The following CSMD3 variants were observed in gnomAD, a reference collection of about 807,000 sequenced individuals.
CSMD3 encodes the protein CUB and sushi domain-containing protein 3.
A neutral mutation model predicts 435.2 loss-of-function variants in CSMD3; 177 were observed. The observed-to-expected ratio is 0.41, with a 90% CI of 0.36 to 0.46. The LOEUF is 0.46. Among genes scored for constraint, CSMD3 ranks in the 20% least tolerant of loss-of-function variants. The pLI is 0.34. For synonymous variants in CSMD3, 1,656 were observed against 1,520.5 expected (o/e 1.09, Z -2.07); for missense variants, 4,265 against 4,504.6 (o/e 0.95, Z 1.52).
intron 5 of CSMD3, among the ~76,000 whole-genome samples, chr8:113,097,187 ATAAC>A (rs1197350262): frequency 1.3e-5 from 2 of 152,110 alleles, no homozygotes; most frequent in African/African-American, 4.8e-5. Flanking sequence ...TACTTTGTAA[ATAAC>A]TATTTACAAA....
At position 113,181,850 on chromosome 8, in the gene CSMD3, T is replaced by C. The variant is rs535636713; in HGVS notation, c.515-7934A>G. ...TAGCATTTGATAGATTAATTCAGAA[T>C]AATAGAAAAATATGAATAGGCTCTC... On this transcript the variant is annotated intron_variant, in intron 3 of 70. Coordinates refer to ENST00000297405, the MANE Select transcript of CSMD3 (RefSeq NM_198123.2). Among the ~76,000 whole-genome samples the C allele has an allele frequency of 3.3e-5, 5 of 152,130 alleles. 1 individual carries two copies. In the South Asian group the frequency reaches 1.0e-3, roughly 32 times the overall value.
intron 7 of CSMD3, among the ~76,000 whole-genome samples, chr8:112,956,317 C>A (rs577060988): frequency 3.3e-4 from 50 of 152,136 alleles, no homozygotes; most frequent in Non-Finnish European, 5.6e-4. Flanking sequence ...CTCATCCCCA[C>A]CCCGATGGTA....
chr8:113,001,235 A>G (rs1234411739), intron 6 of CSMD3, among the ~76,000 whole-genome samples: 2 of 152,046 alleles, frequency 1.3e-5, no homozygotes. Context: ...TCAAAGCTTA[A>G]ACATATTTTC....
At position 112,865,727 on chromosome 8, in the gene CSMD3, C is replaced by G. The variant is rs1024079447; in HGVS notation, c.1634-6461G>C. ...ACACACACACACACACACACACACA[C>G]AGACCATTGTTTATTGTCTGTTTTC... On this transcript the variant is annotated intron_variant, in intron 10 of 70. Coordinates refer to ENST00000297405, the MANE Select transcript of CSMD3 (RefSeq NM_198123.2). Among the ~76,000 whole-genome samples, 58 of 150,752 alleles carry G rather than the reference C, an allele frequency of 3.8e-4. No homozygotes were observed. The East Asian group carries it at 0.01, about 26-fold the overall frequency.
intron 1 of CSMD3, among the ~76,000 whole-genome samples, chr8:113,342,033 A>C (rs2094122591): frequency 6.6e-6 from 1 of 152,126 alleles, no homozygotes; most frequent in South Asian, 2.1e-4. Flanking sequence ...GAAATTACCA[A>C]ACTCGTAGAA....
At chr8:112,799,195 AC>A (rs1362961651) in intron 13 of CSMD3, among the ~76,000 whole-genome samples, 1 of 151,866 alleles carries the variant, frequency 6.6e-6, no homozygotes, top group Non-Finnish European at 1.5e-5. Context: ...TTAATACAGT[AC>A]CAAATTTAGT....
At chr8:112,756,045 G>C (rs370204359) in intron 13 of CSMD3, among the ~76,000 whole-genome samples, 27 of 152,032 alleles carry the variant, frequency 1.8e-4, no homozygotes, top group African/African-American at 6.5e-4. Flanking sequence ...TGCTTCTTGA[G>C]GAATTAAGAA....
At chr8:112,568,210 T>G (rs547030729) in intron 24 of CSMD3, among the ~76,000 whole-genome samples, 19 of 152,182 alleles carry the variant, frequency 1.2e-4, no homozygotes, top group Admixed American at 1.2e-3. Context: ...AGAAATTTAT[T>G]TGGGAGAAGA....
At position 112,301,979 on chromosome 8, in the gene CSMD3, A is replaced by G; in HGVS notation, c.8267-13T>C. 2 of 1,546,916 alleles carry G rather than the reference A, an allele frequency of 1.3e-6. No homozygotes were observed. The highest frequency in any genetic ancestry group is 1.8e-6 in the Non-Finnish European group (2 of 1,120,984). On this transcript the variant is annotated splice_polypyrimidine_tract_variant and intron_variant, in intron 52 of 70. Transcript: ENST00000297405. Reference sequence around the variant, plus strand: ...CCACAGGAAATAACTTTAAAATGATAAATAAATAAAAATCCTTAAAGATAT... The same window carrying G: ...CCACAGGAAATAACTTTAAAATGATGAATAAATAAAAATCCTTAAAGATAT...
At chr8:112,232,182 T>A (rs1307490789) in intron 68 of CSMD3, among the ~76,000 whole-genome samples, 1 of 152,182 alleles carries the variant, frequency 6.6e-6, no homozygotes, top group African/African-American at 2.4e-5. Flanking sequence ...ACTATATGAT[T>A]CCATTCATAT....
intron 13 of CSMD3, among the ~76,000 whole-genome samples, chr8:112,701,433 T>C (rs111602151): frequency 1.1e-4 from 17 of 152,078 alleles, no homozygotes; most frequent in African/African-American, 4.1e-4. Context: ...TATGTAGAAA[T>C]AGCTCAACTG....
intron 3 of CSMD3, among the ~76,000 whole-genome samples, chr8:113,258,237 AATAG>A (rs1284431395): frequency 6.6e-6 from 1 of 152,216 alleles, no homozygotes. Context: ...GGAATACATT[AATAG>A]ATAGACAGGA....
chr8:113,319,770 T>A lies in CSMD3; in HGVS notation c.179-4977A>T, dbSNP rs956864776. ...TAATTTTGCTGATTACTGTTGAGATTACTATTGTGATTCACTTGGAATCTA... is the reference window on the plus strand; with the variant it reads ...TAATTTTGCTGATTACTGTTGAGATAACTATTGTGATTCACTTGGAATCTA... On this transcript the variant is annotated intron_variant, in intron 1 of 70. Transcript: ENST00000297405. Among the ~76,000 whole-genome samples the A allele has an allele frequency of 2.0e-5, 3 of 152,110 alleles. No individual in the cohort carries two copies. In the South Asian group the frequency reaches 6.2e-4, roughly 31 times the overall value.
chr8:113,381,903 T>C (rs2094417409), intron 1 of CSMD3, among the ~76,000 whole-genome samples: 1 of 152,194 alleles, frequency 6.6e-6, no homozygotes, highest in Non-Finnish European at 1.5e-5. Context: ...ACTTTGGAAT[T>C]CTTATGACTA....
At chr8:113,047,736 T>C (rs1466421279) in intron 5 of CSMD3, among the ~76,000 whole-genome samples, 2 of 152,204 alleles carry the variant, frequency 1.3e-5, no homozygotes, top group East Asian at 3.9e-4. Context: ...TGCTTAAATG[T>C]ATGGCTCCAG....
chr8:112,234,514 T>C (rs1292435756), intron 67 of CSMD3, 37 bp from the exon 68 acceptor site: 1 of 1,062,524 alleles, frequency 9.4e-7, no homozygotes, highest in South Asian at 1.3e-5. Flanking sequence ...TACTTAACTT[T>C]GTAAATAGTT....
At chr8:113,374,837 AAAAAAAAAAACC>A (rs1395157070) in intron 1 of CSMD3, among the ~76,000 whole-genome samples, 1 of 127,676 alleles carries the variant, frequency 7.8e-6, no homozygotes, top group Non-Finnish European at 1.7e-5. Context: ...AAAAAAAAAA[AAAAAAAAAAACC>A]AATAAAATGA....
chr8:112,960,176 A>C (rs971712881), intron 7 of CSMD3, among the ~76,000 whole-genome samples: 36 of 151,868 alleles, frequency 2.4e-4, no homozygotes, highest in African/African-American at 8.2e-4. Context: ...GCAAGTACAA[A>C]AATTTAACTT....
At chr8:112,859,060 C>T (rs1327618503) in intron 11 of CSMD3, 85 bp downstream of exon 11, 1 of 1,278,094 alleles carries the variant, frequency 7.8e-7, no homozygotes, top group African/African-American at 1.5e-5. Context: ...TATAAATTTT[C>T]CATACTGCAT....
Sources: allele counts gnomAD v4.1 joint callset (sites outside exome capture counted in the v4.1 genomes callset), GRCh38; gene constraint gnomAD v4.1.1; transcripts MANE v1.5; gene names NCBI Gene and HGNC (gene_info 2026-07-23, HGNC 2026-07-21).